The following CLHC1 variants were observed in gnomAD, a reference collection of about 807,000 sequenced individuals.
The protein encoded by CLHC1 is clathrin heavy chain linker domain containing 1.
Under a neutral mutation model 69.5 loss-of-function variants are expected in CLHC1, and 72 were observed. The observed-to-expected ratio is 1.04, with a 90% CI of 0.86 to 1.26. CLHC1 has a LOEUF of 1.26. CLHC1 is among the 50% of genes most tolerant of loss of function. The probability of loss-of-function intolerance (pLI) is 0.00; values close to 1 mark genes in which losing one functional copy is unlikely to be tolerated. For missense variants in CLHC1, 790 were observed against 679.3 expected (o/e 1.16, Z -1.81); for synonymous variants, 223 against 224.3 (o/e 0.99, Z 0.05).
chr2:55,180,529 C>T lies in CLHC1; in HGVS notation c.1365G>A (p.Gln455=). 1 of 1,613,772 alleles carries T rather than the reference C, an allele frequency of 6.2e-7. No individual in the cohort carries two copies. The highest frequency in any genetic ancestry group is 8.5e-7 in the Non-Finnish European group (1 of 1,179,726). The change falls in exon 11 of 13, where the codon CAG becomes CAA. Residue 455 remains glutamine, a synonymous_variant. Coordinates refer to ENST00000401408, the MANE Select transcript of CLHC1 (RefSeq NM_152385.4). ...ACTTACCGGTAGTAAAGTCCTTCAACTGCTGTATGTACTCCATGACCCTAT... is the reference window on the plus strand; with the variant it reads ...ACTTACCGGTAGTAAAGTCCTTCAATTGCTGTATGTACTCCATGACCCTAT... The part of the protein sequence containing the change: ...QTHRVMEYIQ[Q]LKDFTTDDLL...
chr2:55,182,946 G>A (rs540423973), intron 9 of CLHC1, among the ~76,000 whole-genome samples: 3 of 152,178 alleles, frequency 2.0e-5, no homozygotes, highest in Non-Finnish European at 4.4e-5. Flanking sequence ...AGTCCCCAGT[G>A]AGGGAAGGCC....
chr2:55,199,747 A>G (rs1371399286), intron 9 of CLHC1, among the ~76,000 whole-genome samples: 1 of 152,210 alleles, frequency 6.6e-6, no homozygotes, highest in Non-Finnish European at 1.5e-5. Flanking sequence ...ATGGACACTC[A>G]AAAAATAAAA....
chr2:55,199,668 A>T (rs1418333168), intron 9 of CLHC1, among the ~76,000 whole-genome samples: 1 of 152,190 alleles, frequency 6.6e-6, no homozygotes, highest in East Asian at 1.9e-4. Flanking sequence ...TGTTGTAATC[A>T]GTTTATAATA....
Position 55,208,696 on chromosome 2 carries a change from C to T in CLHC1, c.829G>A (p.Val277Ile). ...TKYLQGDQGI[V>I]EELMEDDPRR... ...GGATCATCTTCCATTAGTTCTTCAA[C>T]AATGCCTTGGTCACCTGTAAATATT... The change falls in exon 8 of 13, where the codon GTT becomes ATT. Residue 277 changes from valine to isoleucine, a missense_variant. Val to Ile is a conservative substitution (Grantham distance 29). Coordinates refer to ENST00000401408, the MANE Select transcript of CLHC1 (RefSeq NM_152385.4). 6.2e-7 allele frequency: 1 copy of T among 1,609,738 alleles called. No homozygotes were observed. Among genetic ancestry groups the T allele is most frequent in the South Asian group, 1.1e-5 (1 of 90,936 alleles).
At position 55,208,649 on chromosome 2, in the gene CLHC1, T is replaced by G; in HGVS notation, c.876A>C (p.Glu292Asp). Residue 292 changes from glutamate to aspartate, a missense_variant, in exon 8 of 13, where the codon GAA becomes GAC. Transcript: ENST00000401408. Reference sequence around the variant, plus strand: ...GCCTTTCAATGTAGTGAAGCATAATTTCAGCTTCTTTTGCCCTGCGTGGAT... The same window carrying G: ...GCCTTTCAATGTAGTGAAGCATAATGTCAGCTTCTTTTGCCCTGCGTGGAT... ...EDDPRRAKEA[E>D]IMLHYIERFN... 1.2e-6 allele frequency: 2 copies of G among 1,610,680 alleles called. No homozygotes were observed. Among genetic ancestry groups the G allele is most frequent in the Non-Finnish European group, 1.7e-6 (2 of 1,177,120 alleles).
intron 11 of CLHC1, among the ~76,000 whole-genome samples, chr2:55,179,077 T>C (rs1435461044): frequency 2.7e-5 from 4 of 146,204 alleles, no homozygotes; most frequent in African/African-American, 1.0e-4. Flanking sequence ...TACAGACCCA[T>C]CCCTAAAATT....
At chr2:55,186,091 C>T (rs185227901) in intron 9 of CLHC1, among the ~76,000 whole-genome samples, 1 of 152,278 alleles carries the variant, frequency 6.6e-6, no homozygotes, top group Non-Finnish European at 1.5e-5. Context: ...CTGGCTATAT[C>T]TTTCCCTCTC....
At chr2:55,208,756 C>T (rs1483338147) in intron 7 of CLHC1, 46 bp from the exon 8 acceptor site, 2 of 1,326,224 alleles carry the variant, frequency 1.5e-6, no homozygotes, top group Admixed American at 1.7e-5. Context: ...AGGTTACTTA[C>T]CAATAGAAAA....
chr2:55,205,681 G>A (rs1255717285), intron 9 of CLHC1: 1 of 152,328 alleles, frequency 6.6e-6, no homozygotes, highest in African/African-American at 2.4e-5. Context: ...ATTGCCTGAG[G>A]TTAGGAGTTT....
At chr2:55,197,123 G>A (rs1426036775) in intron 9 of CLHC1, among the ~76,000 whole-genome samples, 1 of 152,086 alleles carries the variant, frequency 6.6e-6, no homozygotes, top group African/African-American at 2.4e-5. Context: ...CTGCGGGAAG[G>A]AGAGGAAAAA....
intron 9 of CLHC1, among the ~76,000 whole-genome samples, chr2:55,197,833 T>G (rs1179460511): frequency 6.6e-6 from 1 of 152,064 alleles, no homozygotes; most frequent in Non-Finnish European, 1.5e-5. Context: ...CAGGAAAACA[T>G]GACCTCACCA....
chr2:55,194,111 G>C (rs947016648), intron 9 of CLHC1, among the ~76,000 whole-genome samples: 1 of 151,998 alleles, frequency 6.6e-6, no homozygotes, highest in Non-Finnish European at 1.5e-5. Flanking sequence ...CTGCAGTTTG[G>C]AGAGGAAGAA....
chr2:55,210,426 C>T (rs1573719751), intron 5 of CLHC1, among the ~76,000 whole-genome samples: 1 of 151,244 alleles, frequency 6.6e-6, no homozygotes, highest in African/African-American at 2.4e-5. Flanking sequence ...GAACTCCTGA[C>T]CTCAAGTGAT....
At chr2:55,229,741 T>A (rs1352281811) in intron 1 of CLHC1, among the ~76,000 whole-genome samples, 3 of 152,224 alleles carry the variant, frequency 2.0e-5, no homozygotes. Context: ...TTTAGAGGCC[T>A]GTGTGCAGAA....
chr2:55,202,351 T>C (rs971269506), intron 9 of CLHC1, among the ~76,000 whole-genome samples: 1 of 149,176 alleles, frequency 6.7e-6, no homozygotes, highest in Non-Finnish European at 1.5e-5. Context: ...AGGTCAGGAG[T>C]TCGAGATCAG....
chr2:55,223,506 C>T (rs911356426), intron 2 of CLHC1, among the ~76,000 whole-genome samples: 3 of 152,142 alleles, frequency 2.0e-5, no homozygotes, highest in African/African-American at 7.2e-5. Flanking sequence ...AGTTCCGCGC[C>T]GGCGTGGCCT....
intron 2 of CLHC1, among the ~76,000 whole-genome samples, chr2:55,223,606 C>T (rs1029005777): frequency 7.9e-5 from 12 of 151,070 alleles, no homozygotes; most frequent in African/African-American, 2.9e-4. Context: ...GGGGACGGTT[C>T]CCCCGACCTC....
chr2:55,221,985 A>G lies in CLHC1; in HGVS notation c.177+250T>C, dbSNP rs146214423. Among the ~76,000 whole-genome samples, 75 of 152,354 alleles carry G rather than the reference A, an allele frequency of 4.9e-4. 1 individual carries two copies. Among genetic ancestry groups the G allele is most frequent in the African/African-American group, 1.8e-3 (73 of 41,586 alleles). Reference sequence around the variant, plus strand: ...CAGTGAGACTCTCTCTTTAAAAAATATATAAAGGAAACTTATAATCTGCTC... The same window carrying G: ...CAGTGAGACTCTCTCTTTAAAAAATGTATAAAGGAAACTTATAATCTGCTC... On this transcript the variant is annotated intron_variant, in intron 3 of 12. Transcript: ENST00000401408.
In CLHC1 at chr2:55,177,789, C is replaced by T. The variant is rs6545477; in HGVS notation, c.1385-8G>A. ...ATAGCTGCAACAGGTCATCTGAAGG[C>T]AAAAATGAAAAAGTTTATCTCAATG... On this transcript the variant is annotated splice_region_variant and splice_polypyrimidine_tract_variant and intron_variant, in intron 11 of 12. Coordinates refer to ENST00000401408, the MANE Select transcript of CLHC1 (RefSeq NM_152385.4). 0.22 allele frequency: 349,896 copies of T among 1,588,446 alleles called. 41,052 individuals are homozygous for T. The highest frequency in any genetic ancestry group is 0.35 in the African/African-American group (26,035 of 73,576).
Sources: allele counts gnomAD v4.1 joint callset (sites outside exome capture counted in the v4.1 genomes callset), GRCh38; gene constraint gnomAD v4.1.1; transcripts MANE v1.5; gene names NCBI Gene and HGNC (gene_info 2026-07-23, HGNC 2026-07-21).